The following RBFOX2 variants were observed in gnomAD, a reference collection of about 807,000 sequenced individuals.
The protein encoded by RBFOX2 is RNA binding fox-1 homolog 2.
In RBFOX2, 10 loss-of-function variants were observed where a neutral mutation model predicts 49.1. The observed-to-expected ratio is 0.20, with a 90% CI of 0.13 to 0.35. RBFOX2 has a LOEUF of 0.35. Among genes scored for constraint, RBFOX2 ranks in the 10% least tolerant of loss-of-function variants. RBFOX2 has a pLI of 1.00. For synonymous variants in RBFOX2, 183 were observed against 187.4 expected (o/e 0.98, Z 0.19); for missense variants, 323 against 486.9 (o/e 0.66, Z 3.17).
intron 1 of RBFOX2, among the ~76,000 whole-genome samples, chr22:35,896,488 T>C (rs1446774021): frequency 6.6e-6 from 1 of 152,162 alleles, no homozygotes; most frequent in Admixed American, 6.5e-5. Flanking sequence ...AATCTCCAAG[T>C]AAGGTCTACA....
intron 1 of RBFOX2, chr22:35,998,372 T>C (rs141753101): frequency 1.2e-4 from 18 of 152,220 alleles, no homozygotes; most frequent in African/African-American, 4.1e-4. Flanking sequence ...CCAATGATAC[T>C]TCTTAATTAG....
intron 1 of RBFOX2, among the ~76,000 whole-genome samples, chr22:35,930,977 A>G (rs1342936456): frequency 6.6e-6 from 1 of 152,378 alleles, no homozygotes; most frequent in East Asian, 1.9e-4. Flanking sequence ...AAGAAATAAA[A>G]CAGTCTTTCC....
intron 1 of RBFOX2, among the ~76,000 whole-genome samples, chr22:35,850,594 G>A (rs1262020790): frequency 6.6e-6 from 1 of 152,160 alleles, no homozygotes; most frequent in African/African-American, 2.4e-5. Context: ...TTTCAGAAAA[G>A]CCAGTTGCTT....
chr22:35,903,449 T>C (rs944376189), intron 1 of RBFOX2, among the ~76,000 whole-genome samples: 7 of 152,158 alleles, frequency 4.6e-5, no homozygotes, highest in Non-Finnish European at 1.0e-4. Context: ...AAGTGTTCCT[T>C]GGGGTTCAAT....
At position 35,805,202 on chromosome 22, in the gene RBFOX2, AT is replaced by A. The variant is rs573718717; in HGVS notation, c.252+4577del. On this transcript the variant is annotated intron_variant, in intron 2 of 11. Coordinates refer to ENST00000405409, the Ensembl canonical transcript of RBFOX2. ...CTATGCGGGAGGCTGAGGCAGGAGAATGGCGTGAACCCGGGAGGCGGAGCTT... is the reference window on the plus strand; with the variant it reads ...CTATGCGGGAGGCTGAGGCAGGAGAAGGCGTGAACCCGGGAGGCGGAGCTT... Among the ~76,000 whole-genome samples the A allele has an allele frequency of 1.4e-4, 21 of 149,208 alleles. No homozygotes were observed. In the South Asian group the frequency reaches 4.0e-3, roughly 28 times the overall value.
Position 35,805,238 on chromosome 22 carries a change from C to T in RBFOX2, c.252+4542G>A, listed in dbSNP as rs568004796. On this transcript the variant is annotated intron_variant, in intron 2 of 11. Coordinates refer to ENST00000405409, the Ensembl canonical transcript of RBFOX2. ...CCGGGAGGCGGAGCTTGCAGTGAGC[C>T]GAGATCGCGCCACTGCACTCCAGCC... Among the ~76,000 whole-genome samples the T allele has an allele frequency of 9.8e-5, 14 of 143,014 alleles. No individual in the cohort carries two copies. The South Asian group carries it at 2.6e-3, about 27-fold the overall frequency. 93.8% of individuals were successfully genotyped at this position (143,014 alleles called of 152,430 possible).
chr22:35,774,057 AT>A (rs1294709049), intron 4 of RBFOX2, among the ~76,000 whole-genome samples: 7 of 152,080 alleles, frequency 4.6e-5, no homozygotes, highest in Admixed American at 3.9e-4. Context: ...TAAACTATGT[AT>A]TTTTTTCTTT....
chr22:35,831,414 T>C (rs528691724), intron 1 of RBFOX2, among the ~76,000 whole-genome samples: 6 of 151,964 alleles, frequency 3.9e-5, no homozygotes, highest in South Asian at 4.2e-4. Flanking sequence ...GCCTGGGTGA[T>C]AGTGAGAGAC....
intron 1 of RBFOX2, among the ~76,000 whole-genome samples, chr22:35,930,484 T>C (rs1205289203): frequency 1.3e-5 from 2 of 152,172 alleles, no homozygotes; most frequent in Non-Finnish European, 1.5e-5. Flanking sequence ...AATCAATAAA[T>C]ATTGATTTGA....
chr22:35,885,582 T>C (rs1204561287), intron 1 of RBFOX2, among the ~76,000 whole-genome samples: 1 of 152,154 alleles, frequency 6.6e-6, no homozygotes, highest in Non-Finnish European at 1.5e-5. Flanking sequence ...CTGATTTTCA[T>C]GGATACAAGA....
exon 2 of RBFOX2, chr22:35,809,906 A>G: frequency 6.2e-7 from 1 of 1,614,062 alleles, no homozygotes; most frequent in Non-Finnish European, 8.5e-7. Context: ...GTGGCACCCC[A>G]TACTCTGTGG....
intron 8 of RBFOX2, 24 bp downstream of exon 9, chr22:35,761,178 G>A (rs780363031): frequency 6.3e-7 from 1 of 1,596,974 alleles, no homozygotes; most frequent in Non-Finnish European, 8.6e-7. Flanking sequence ...CAAAATCCAT[G>A]CCAGGCCAAC....
At chr22:35,909,106 T>C (rs1392196491) in intron 1 of RBFOX2, among the ~76,000 whole-genome samples, 1 of 152,216 alleles carries the variant, frequency 6.6e-6, no homozygotes, top group Non-Finnish European at 1.5e-5. Context: ...CCTCCCGAAG[T>C]GCTGGAATTA....
At chr22:35,924,524 C>A (rs1004708059) in intron 1 of RBFOX2, among the ~76,000 whole-genome samples, 1 of 152,218 alleles carries the variant, frequency 6.6e-6, no homozygotes, top group Non-Finnish European at 1.5e-5. Flanking sequence ...GTAAGAGGCA[C>A]TCTCTTGCTG....
chr22:35,972,377 C>G (rs1437071031), intron 1 of RBFOX2, among the ~76,000 whole-genome samples: 1 of 151,840 alleles, frequency 6.6e-6, no homozygotes, highest in Non-Finnish European at 1.5e-5. Context: ...CATTCACAAT[C>G]CTAAGTCAAA....
chr22:35,953,210 C>CAAAAAAAAAAAAAAAAA (rs34387129), intron 1 of RBFOX2, among the ~76,000 whole-genome samples: 1 of 22,418 alleles, frequency 4.5e-5, no homozygotes. Flanking sequence ...GACTCCATCT[C>CAAAAAAAAAAAAAAAAA]AAAAAAAAAA....
At chr22:35,866,848 G>A (rs2043741575) in intron 1 of RBFOX2, among the ~76,000 whole-genome samples, 1 of 152,158 alleles carries the variant, frequency 6.6e-6, no homozygotes, top group African/African-American at 2.4e-5. Context: ...GGCCAAGTGA[G>A]GAGCCTTCAC....
chr22:35,867,647 CT>C (rs1569425285), intron 1 of RBFOX2, among the ~76,000 whole-genome samples: 1 of 152,048 alleles, frequency 6.6e-6, no homozygotes, highest in Non-Finnish European at 1.5e-5. Context: ...GAGATGGGCC[CT>C]CTGTAAGTAA....
At chr22:35,921,074 G>T (rs2050969173) in intron 1 of RBFOX2, among the ~76,000 whole-genome samples, 1 of 152,128 alleles carries the variant, frequency 6.6e-6, no homozygotes, top group Non-Finnish European at 1.5e-5. Context: ...ACGCCTCTTA[G>T]CATTTTCTTA....
Sources: gnomAD v4.1 joint callset for allele counts (sites outside exome capture counted in the v4.1 genomes callset) on GRCh38, gnomAD v4.1.1 for gene constraint, MANE v1.5 for transcripts, NCBI Gene and HGNC (gene_info 2026-07-23, HGNC 2026-07-21) for gene names.